The following ACAP2 variants were observed in gnomAD, a reference collection of about 807,000 sequenced individuals.
ACAP2 encodes the protein arf-GAP with coiled-coil, ANK repeat and PH domain-containing protein 2.
ACAP2 carries 39 observed loss-of-function variants against 115.8 expected under a neutral mutation model. The observed-to-expected ratio is 0.34, with a 90% CI of 0.26 to 0.44. ACAP2 has a LOEUF of 0.44. ACAP2 is among the 20% of genes least tolerant of loss of function. The pLI is 1.00. For missense variants in ACAP2, 662 were observed against 927.6 expected (o/e 0.71, Z 3.72); for synonymous variants, 289 against 315.8 (o/e 0.92, Z 0.90).
intron 4 of ACAP2, among the ~76,000 whole-genome samples, chr3:195,377,138 C>CTTTTTTTTTTTTTTTTTTTTTTTTT (rs749352761): frequency 1.3e-5 from 1 of 77,110 alleles, no homozygotes; most frequent in African/African-American, 5.3e-5. Flanking sequence ...GAATGTAAAT[C>CTTTTTTTTTTTTTTTTTTTTTTTTT]TTTTTTTTTT....
At chr3:195,390,617 C>T (rs149191000) in intron 2 of ACAP2, among the ~76,000 whole-genome samples, 8 of 152,188 alleles carry the variant, frequency 5.3e-5, no homozygotes, top group African/African-American at 1.9e-4. Flanking sequence ...ACCTGGAATC[C>T]GGTTACAAAC....
At chr3:195,434,171 C>T (rs1715354718) in intron 1 of ACAP2, among the ~76,000 whole-genome samples, 1 of 152,138 alleles carries the variant, frequency 6.6e-6, no homozygotes, top group Admixed American at 6.5e-5. Context: ...GCAAGCAATC[C>T]TCCCACTGTG....
intron 10 of ACAP2, among the ~76,000 whole-genome samples, chr3:195,311,199 C>A (rs1417171047): frequency 6.7e-6 from 1 of 150,032 alleles, no homozygotes; most frequent in Non-Finnish European, 1.5e-5. Flanking sequence ...TGGGTTCAAG[C>A]GATCCTGGTA....
At chr3:195,404,645 T>C (rs1045266504) in intron 1 of ACAP2, among the ~76,000 whole-genome samples, 1 of 151,424 alleles carries the variant, frequency 6.6e-6, no homozygotes, top group Non-Finnish European at 1.5e-5. Context: ...GAGGCAAAAG[T>C]TATATTGCCA....
intron 10 of ACAP2, among the ~76,000 whole-genome samples, chr3:195,309,920 G>A (rs542520964): frequency 1.2e-3 from 188 of 151,828 alleles, no homozygotes; most frequent in Non-Finnish European, 2.3e-3. Flanking sequence ...AGACCTAAAG[G>A]CATAAAAAAA....
chr3:195,414,118 C>T (rs1259659158), intron 1 of ACAP2, among the ~76,000 whole-genome samples: 3 of 152,166 alleles, frequency 2.0e-5, no homozygotes, highest in Admixed American at 1.3e-4. Flanking sequence ...GAAACCACTA[C>T]ACACCTATTA....
At chr3:195,339,787 T>G (rs1730750485) in intron 6 of ACAP2, among the ~76,000 whole-genome samples, 1 of 151,980 alleles carries the variant, frequency 6.6e-6, no homozygotes, top group Non-Finnish European at 1.5e-5. Flanking sequence ...AGTTTAAAAA[T>G]AATGAAAATT....
chr3:195,341,438 C>T (rs1210521680), intron 6 of ACAP2, among the ~76,000 whole-genome samples: 2 of 149,810 alleles, frequency 1.3e-5, no homozygotes, highest in Admixed American at 1.3e-4. Flanking sequence ...CATTCTCCTG[C>T]CTCAGCCTCC....
intron 9 of ACAP2, chr3:195,325,549 T>C (rs1729739620): frequency 2.5e-6 from 1 of 394,950 alleles, no homozygotes; most frequent in African/African-American, 2.1e-5. Flanking sequence ...TTGAATATTA[T>C]TTAAAATCAA....
intron 1 of ACAP2, among the ~76,000 whole-genome samples, chr3:195,442,448 A>T (rs1381517146): frequency 6.6e-6 from 1 of 152,226 alleles, no homozygotes; most frequent in Non-Finnish European, 1.5e-5. Flanking sequence ...CAGAGGAGGA[A>T]GGGGGCGAGA....
At chr3:195,337,463 T>TA (rs1730579142) in intron 6 of ACAP2, among the ~76,000 whole-genome samples, 1 of 150,960 alleles carries the variant, frequency 6.6e-6, no homozygotes. Context: ...TTTTTTTTTT[T>TA]TTGACACAGA....
chr3:195,429,940 G>C (rs1714987701), intron 1 of ACAP2, among the ~76,000 whole-genome samples: 1 of 152,044 alleles, frequency 6.6e-6, no homozygotes, highest in Non-Finnish European at 1.5e-5. Context: ...ACACAACATT[G>C]GTATTTGCTT....
intron 4 of ACAP2, among the ~76,000 whole-genome samples, chr3:195,348,985 A>G (rs1731362313): frequency 6.6e-6 from 1 of 152,212 alleles, no homozygotes; most frequent in Non-Finnish European, 1.5e-5. Flanking sequence ...AATAAAAAGC[A>G]TACAGATTAG....
chr3:195,384,713 C>A (rs111938513), intron 2 of ACAP2, among the ~76,000 whole-genome samples: 1 of 136,710 alleles, frequency 7.3e-6, no homozygotes, highest in African/African-American at 2.9e-5. Flanking sequence ...AGTGACAGAG[C>A]GAGGCTGTCT....
At chr3:195,298,330 A>G (rs1577254715) in intron 15 of ACAP2, among the ~76,000 whole-genome samples, 2 of 136,924 alleles carry the variant, frequency 1.5e-5, no homozygotes, top group Admixed American at 1.6e-4. Flanking sequence ...ATCTTGGCCC[A>G]CTGCAACTTC....
intron 8 of ACAP2, among the ~76,000 whole-genome samples, chr3:195,331,057 G>A (rs1323962034): frequency 6.6e-6 from 1 of 152,040 alleles, no homozygotes; most frequent in African/African-American, 2.4e-5. Flanking sequence ...TAGTATTCTT[G>A]GTTTTCTATT....
chr3:195,311,716 T>C (rs904607720), intron 10 of ACAP2, among the ~76,000 whole-genome samples: 4 of 151,892 alleles, frequency 2.6e-5, no homozygotes, highest in Non-Finnish European at 4.4e-5. Flanking sequence ...TTTGTATTTT[T>C]AGTAGAGACG....
At chr3:195,404,676 T>C (rs188072725) in intron 1 of ACAP2, among the ~76,000 whole-genome samples, 50 of 148,082 alleles carry the variant, frequency 3.4e-4, no homozygotes, top group African/African-American at 1.2e-3. Context: ...CACACACACA[T>C]ATATATTTAT....
intron 2 of ACAP2, among the ~76,000 whole-genome samples, chr3:195,389,087 G>GT (rs1189514674): frequency 1.3e-5 from 2 of 151,292 alleles, no homozygotes; most frequent in Non-Finnish European, 3.0e-5. Context: ...AAATATAAAA[G>GT]TAACTATGGA....
Sources: gnomAD v4.1 joint callset for allele counts (sites outside exome capture counted in the v4.1 genomes callset) on GRCh38, gnomAD v4.1.1 for gene constraint, MANE v1.5 for transcripts, NCBI Gene and HGNC (gene_info 2026-07-23, HGNC 2026-07-21) for gene names.